COL4A6: variants seen among roughly 807,000 people sequenced by gnomAD.
The protein encoded by COL4A6 is collagen type IV alpha 6 chain, also known as collagen alpha-6(IV) chain.
In COL4A6, 59 loss-of-function variants were observed where a neutral mutation model predicts 126.7. The observed-to-expected ratio is 0.47, with a 90% CI of 0.38 to 0.58. COL4A6 has a LOEUF of 0.58. Among genes scored for constraint, COL4A6 ranks in the 20% least tolerant of loss-of-function variants. The pLI is 0.00. For missense variants in COL4A6, 1,285 were observed against 1,337.3 expected (o/e 0.96, Z 0.61); for synonymous variants, 547 against 496.6 (o/e 1.10, Z -1.35).
At chrX:108,310,600 G>C in intron 3 of COL4A6, 148 bp downstream of exon 3, 1 of 456,198 alleles carries the variant, frequency 2.2e-6, no homozygotes, top group South Asian at 4.5e-5. Context: ...ACTATCATTA[G>C]TTAGCAAAGC....
At chrX:108,227,943 G>A (rs891069373) in intron 3 of COL4A6, among the ~76,000 whole-genome samples, 5 of 111,888 alleles carry the variant, frequency 4.5e-5, no homozygotes, top group Non-Finnish European at 5.6e-5. Context: ...TTGCAATAGA[G>A]TGCAATCAGG....
chrX:108,166,471 G>A (rs963264115), intron 37 of COL4A6, among the ~76,000 whole-genome samples: 7 of 112,044 alleles, frequency 6.2e-5, no homozygotes, highest in Non-Finnish European at 1.3e-4. Context: ...TTTTGTTTGC[G>A]ACAAGAAAAT....
At chrX:108,388,179 T>A (rs2040745014) in intron 2 of COL4A6, among the ~76,000 whole-genome samples, 1 of 111,768 alleles carries the variant, frequency 8.9e-6, no homozygotes, top group Admixed American at 9.5e-5. Context: ...AAAATTTTCT[T>A]TTTTTGTTGT....
At chrX:108,238,165 G>C (rs1370531422) in intron 3 of COL4A6, among the ~76,000 whole-genome samples, 2 of 104,846 alleles carry the variant, frequency 1.9e-5, no homozygotes, top group African/African-American at 7.0e-5. Flanking sequence ...GGAGTGCAGT[G>C]GCATGATCTC....
intron 40 of COL4A6, 34 bp from the exon 41 acceptor site, chrX:108,163,072 C>T (rs780530448): frequency 3.4e-6 from 4 of 1,175,622 alleles, no homozygotes; most frequent in Non-Finnish European, 4.5e-6. Context: ...GAACATCAGG[C>T]TGAGGCAGAG....
intron 3 of COL4A6, among the ~76,000 whole-genome samples, chrX:108,270,542 G>A (rs996391654): frequency 1.8e-5 from 2 of 112,194 alleles, no homozygotes; most frequent in Admixed American, 9.4e-5. Context: ...ACTGAGCCCA[G>A]TCCAGACTGA....
intron 3 of COL4A6, among the ~76,000 whole-genome samples, chrX:108,260,891 G>T (rs1308962609): frequency 9.1e-6 from 1 of 109,927 alleles, no homozygotes; most frequent in Non-Finnish European, 1.9e-5. Flanking sequence ...TCAATGACTT[G>T]CCACCCCTTT....
At chrX:108,271,921 T>C (rs1366274454) in intron 3 of COL4A6, among the ~76,000 whole-genome samples, 1 of 112,256 alleles carries the variant, frequency 8.9e-6, no homozygotes, top group Non-Finnish European at 1.9e-5. Context: ...TTTCCTGTAT[T>C]ATCCAGCTGC....
intron 2 of COL4A6, among the ~76,000 whole-genome samples, chrX:108,329,213 A>G (rs2039234523): frequency 9.0e-6 from 1 of 111,562 alleles, no homozygotes; most frequent in South Asian, 3.8e-4. Context: ...GCTAGAATAG[A>G]GGAATTTGAA....
chrX:108,374,532 T>C (rs913633506), intron 2 of COL4A6, among the ~76,000 whole-genome samples: 2 of 112,148 alleles, frequency 1.8e-5, no homozygotes, highest in African/African-American at 3.2e-5. Context: ...AAAGGGGCTG[T>C]CAATCACGTC....
chrX:108,337,264 T>C (rs1032602909), intron 2 of COL4A6, among the ~76,000 whole-genome samples: 25 of 111,529 alleles, frequency 2.2e-4, no homozygotes, highest in African/African-American at 7.2e-4. Context: ...ATTTCTCTGG[T>C]AAGACACTCA....
upstream of COL4A6, chrX:108,438,430 T>G (rs1177830047): frequency 4.0e-6 from 4 of 1,012,138 alleles, no homozygotes; most frequent in Non-Finnish European, 5.0e-6. Flanking sequence ...GATAGTTCCA[T>G]GCAGCAGGAG....
At chrX:108,382,613 C>G (rs905652072) in intron 2 of COL4A6, among the ~76,000 whole-genome samples, 3 of 110,367 alleles carry the variant, frequency 2.7e-5, no homozygotes, top group Non-Finnish European at 3.8e-5. Flanking sequence ...AAACAACAAC[C>G]AAGACACATA....
Position 108,275,588 on chromosome X carries a change from A to G in COL4A6, c.144+35160T>C, listed in dbSNP as rs1434220453. The stretch of plus-strand genomic sequence containing the variant: ...GGTTAAGCTCCCAAATTCTAGAGTC[A>G]TATTACCTAGTTTCTATTCTTGGCT... On this transcript the variant is annotated intron_variant, in intron 3 of 44. Transcript: ENST00000334504. Among the ~76,000 whole-genome samples the G allele has an allele frequency of 2.7e-5, 3 of 113,042 alleles. No homozygotes were observed. In the South Asian group the frequency reaches 1.1e-3, roughly 41 times the overall value.
At chrX:108,213,121 T>A (rs2035757954) in intron 6 of COL4A6, among the ~76,000 whole-genome samples, 2 of 111,935 alleles carry the variant, frequency 1.8e-5, no homozygotes, top group Non-Finnish European at 3.8e-5. Flanking sequence ...TGTCCATCTA[T>A]CTCATTTTCT....
At chrX:108,341,000 A>T (rs1316045325) in intron 2 of COL4A6, among the ~76,000 whole-genome samples, 1 of 111,083 alleles carries the variant, frequency 9.0e-6, no homozygotes, top group East Asian at 2.9e-4. Flanking sequence ...TAATTTAAGG[A>T]TCAAGACTTG....
At chrX:108,426,324 G>C (rs1331499466) in intron 2 of COL4A6, among the ~76,000 whole-genome samples, 2 of 112,072 alleles carry the variant, frequency 1.8e-5, no homozygotes, top group African/African-American at 6.5e-5. Context: ...ACAATTCTGG[G>C]AAAGCTTGGT....
chrX:108,179,727 G>A (rs1293228488), intron 25 of COL4A6, among the ~76,000 whole-genome samples: 2 of 107,726 alleles, frequency 1.9e-5, no homozygotes, highest in Non-Finnish European at 3.8e-5. Flanking sequence ...CCACCCCATA[G>A]CATCCTGAGA....
rs770029890 is a variant in COL4A6, at chrX:108,402,714, T to C, written c.63+35228A>G. On this transcript the variant is annotated intron_variant, in intron 2 of 44. Coordinates refer to ENST00000334504, the MANE Select transcript of COL4A6 (RefSeq NM_033641.4). Reference sequence around the variant, plus strand: ...CAATTCTAAAATTTAATTTTTATTATAATATTATGTGTGTTTTCAATGTCT... The same window carrying C: ...CAATTCTAAAATTTAATTTTTATTACAATATTATGTGTGTTTTCAATGTCT... 2.7e-5 allele frequency among the ~76,000 whole-genome samples: 3 copies of C among 111,387 alleles called. No homozygotes were observed. In the South Asian group the frequency reaches 1.1e-3, roughly 41 times the overall value.
Sources: allele counts gnomAD v4.1 joint callset (sites outside exome capture counted in the v4.1 genomes callset), GRCh38; gene constraint gnomAD v4.1.1; transcripts MANE v1.5; gene names NCBI Gene and HGNC (gene_info 2026-07-23, HGNC 2026-07-21).